ATP6V0D2: variants seen among roughly 807,000 people sequenced by gnomAD.
The protein encoded by ATP6V0D2 is V-type proton ATPase subunit d 2.
A neutral mutation model predicts 40.0 loss-of-function variants in ATP6V0D2; 40 were observed. The ratio of observed to expected loss-of-function variants is 1.00; its 90% CI spans 0.78 to 1.30. The LOEUF (loss-of-function observed/expected upper bound fraction) is 1.30, where lower values mean the gene tolerates loss of function less well. ATP6V0D2 is among the 50% of genes most tolerant of loss of function. ATP6V0D2 has a pLI of 0.00. For missense variants in ATP6V0D2, 470 were observed against 423.1 expected (o/e 1.11, Z -0.97); for synonymous variants, 179 against 156.3 (o/e 1.15, Z -1.08).
chr8:86,136,548 G>C (rs972865244), intron 2 of ATP6V0D2, among the ~76,000 whole-genome samples: 1 of 152,138 alleles, frequency 6.6e-6, no homozygotes, highest in Non-Finnish European at 1.5e-5. Context: ...TTTTTGAAGA[G>C]ATAAAAAGGA....
intron 2 of ATP6V0D2, among the ~76,000 whole-genome samples, chr8:86,134,863 A>G (rs1818877028): frequency 6.6e-6 from 1 of 152,258 alleles, no homozygotes. Context: ...CAAACTGTTT[A>G]CATGCAACAG....
At chr8:86,115,408 G>A (rs1022238138) in intron 2 of ATP6V0D2, among the ~76,000 whole-genome samples, 5 of 117,438 alleles carry the variant, frequency 4.3e-5, no homozygotes, top group South Asian at 2.8e-4. Flanking sequence ...TCATTCTGTC[G>A]CTCAGGCTGG....
rs370400701 is a variant in ATP6V0D2 at position 86,151,536 on chromosome 8, G to A, written c.887G>A (p.Arg296His). 1.8e-5 allele frequency: 29 copies of A among 1,604,330 alleles called. No individual in the cohort carries two copies. The highest frequency in any genetic ancestry group is 3.4e-5 in the Admixed American group (2 of 58,608). ...ACATTGGAGGACGTGTTTTACGAGCGTGAGGTATGATATAAGTGGAAATAC... is the reference window on the plus strand; with the variant it reads ...ACATTGGAGGACGTGTTTTACGAGCATGAGGTATGATATAAGTGGAAATAC... ...GKTLEDVFYE[R>H]EVQMNVLAFN... Residue 296 changes from arginine to histidine, a missense_variant, in exon 7 of 8, where the codon CGT becomes CAT. Arg to His is a conservative substitution (Grantham distance 29). Coordinates refer to ENST00000285393, the MANE Select transcript of ATP6V0D2 (RefSeq NM_152565.1).
intron 2 of ATP6V0D2, among the ~76,000 whole-genome samples, chr8:86,129,841 A>G (rs1818794599): frequency 6.8e-6 from 1 of 147,908 alleles, no homozygotes; most frequent in South Asian, 2.2e-4. Context: ...ACCAGGCATG[A>G]TGGTGCATGC....
chr8:86,105,061 C>T (rs1278873575), intron 1 of ATP6V0D2, among the ~76,000 whole-genome samples: 1 of 152,174 alleles, frequency 6.6e-6, no homozygotes, highest in African/African-American at 2.4e-5. Flanking sequence ...ATTTAAGTCA[C>T]TTCCTCTGTA....
intron 2 of ATP6V0D2, among the ~76,000 whole-genome samples, chr8:86,125,458 C>A (rs543160031): frequency 1.3e-5 from 2 of 152,058 alleles, no homozygotes; most frequent in African/African-American, 2.4e-5. Flanking sequence ...AAAATAAGCA[C>A]GTGTGTTTAA....
intron 1 of ATP6V0D2, among the ~76,000 whole-genome samples, chr8:86,108,884 C>CAT (rs1314589830): frequency 6.6e-6 from 1 of 152,182 alleles, no homozygotes; most frequent in African/African-American, 2.4e-5. Flanking sequence ...TGACTCAGTG[C>CAT]ATACATTCAG....
At chr8:86,141,204 CT>C (rs1355607810) in intron 3 of ATP6V0D2, among the ~76,000 whole-genome samples, 1 of 152,164 alleles carries the variant, frequency 6.6e-6, no homozygotes, top group Non-Finnish European at 1.5e-5. Flanking sequence ...AGGCCACGGA[CT>C]GGTGTTGGTC....
Position 86,099,047 on chromosome 8 carries a change from C to T in ATP6V0D2, c.69C>T (p.Cys23=). The T allele has an allele frequency of 6.2e-7, 1 of 1,613,736 alleles. No homozygotes were observed. The highest frequency in any genetic ancestry group is 8.5e-7 in the Non-Finnish European group (1 of 1,179,948). Residue 23 remains cysteine (C), a synonymous_variant, in exon 1 of 8, where the codon TGC becomes TGT. Coordinates refer to ENST00000285393, the MANE Select transcript of ATP6V0D2 (RefSeq NM_152565.1). ...ACCTGGAGGGCCTGGTTCGAGGATG[C>T]AAGGCCAGCCTCCTGACCCAGCAAG... ...HGYLEGLVRG[C]KASLLTQQDY...
rs200439645 is a variant in ATP6V0D2 at position 86,099,114 on chromosome 8, T to C, written c.130+6T>C. On this transcript the variant is annotated splice_donor_region_variant and intron_variant, in intron 1 of 7. Transcript: ENST00000285393. ...CCAGTGTGAGACCCTAGAAGGTAAG[T>C]GTAGCTCTTCTCACCCTTTAAAAAG... 755 of 1,601,672 alleles carry C rather than the reference T, an allele frequency of 4.7e-4. 3 individuals are homozygous for C. The Middle Eastern group carries it at 0.011, about 24-fold the overall frequency.
chr8:86,101,235 G>T (rs1337267038), intron 1 of ATP6V0D2, among the ~76,000 whole-genome samples: 1 of 151,806 alleles, frequency 6.6e-6, no homozygotes, highest in Non-Finnish European at 1.5e-5. Context: ...TAGGTGTGAG[G>T]ACTGCTTGAG....
chr8:86,112,166 T>C (rs1818534915), intron 1 of ATP6V0D2, among the ~76,000 whole-genome samples: 1 of 152,196 alleles, frequency 6.6e-6, no homozygotes, highest in South Asian at 2.1e-4. Flanking sequence ...ACTAAGATAG[T>C]GTAACTGCCT....
intron 2 of ATP6V0D2, among the ~76,000 whole-genome samples, chr8:86,116,524 T>C (rs866022131): frequency 6.6e-6 from 1 of 152,228 alleles, no homozygotes; most frequent in Non-Finnish European, 1.5e-5. Flanking sequence ...ACTTTTTAAA[T>C]AACTGCATAG....
intron 5 of ATP6V0D2, among the ~76,000 whole-genome samples, chr8:86,147,558 A>G (rs1448350840): frequency 2.0e-5 from 3 of 152,152 alleles, no homozygotes; most frequent in Non-Finnish European, 2.9e-5. Context: ...GGATGGTCAA[A>G]GAACAGTCCT....
chr8:86,110,812 G>A (rs570528234), intron 1 of ATP6V0D2, among the ~76,000 whole-genome samples: 1 of 152,094 alleles, frequency 6.6e-6, no homozygotes, highest in South Asian at 2.1e-4. Context: ...AAAATTTGAG[G>A]GACTCACGGT....
intron 1 of ATP6V0D2, among the ~76,000 whole-genome samples, chr8:86,099,826 C>A (rs1818371671): frequency 1.3e-5 from 2 of 152,280 alleles, no homozygotes; most frequent in African/African-American, 4.8e-5. Flanking sequence ...ATTTTGACAA[C>A]TATATCTAAA....
At chr8:86,116,568 A>G (rs867932251) in intron 2 of ATP6V0D2, among the ~76,000 whole-genome samples, 1 of 152,170 alleles carries the variant, frequency 6.6e-6, no homozygotes, top group Admixed American at 6.5e-5. Flanking sequence ...CCATTTACCA[A>G]TCATTTATTG....
At chr8:86,099,403 G>A (rs1160989977) in intron 1 of ATP6V0D2, among the ~76,000 whole-genome samples, 1 of 152,156 alleles carries the variant, frequency 6.6e-6, no homozygotes, top group Non-Finnish European at 1.5e-5. Context: ...AAAATTCAAT[G>A]TTTTCATATC....
chr8:86,100,331 A>G (rs1450042338), intron 1 of ATP6V0D2, among the ~76,000 whole-genome samples: 6 of 152,212 alleles, frequency 3.9e-5, no homozygotes, highest in African/African-American at 1.4e-4. Context: ...TAGGTCAATA[A>G]TAAGGTGGTT....
Sources: gnomAD v4.1 joint callset for allele counts (sites outside exome capture counted in the v4.1 genomes callset) on GRCh38, gnomAD v4.1.1 for gene constraint, MANE v1.5 for transcripts, NCBI Gene and HGNC (gene_info 2026-07-23, HGNC 2026-07-21) for gene names.